Variants in EYA1 observed in about 807,000 individuals in gnomAD.
EYA1 encodes protein phosphatase EYA1.
In EYA1, 16 loss-of-function variants were observed where a neutral mutation model predicts 82.0. That is an observed-to-expected ratio of 0.20 (90% CI 0.13 to 0.30). The LOEUF (loss-of-function observed/expected upper bound fraction) is 0.30. Among genes scored for constraint, EYA1 ranks in the 10% least tolerant of loss-of-function variants. The pLI is 1.00. For synonymous variants in EYA1, 261 were observed against 264.4 expected (o/e 0.99, Z 0.12); for missense variants, 633 against 730.7 (o/e 0.87, Z 1.54).
chr8:71,515,175 C>T (rs1420575435), intron 2 of EYA1, among the ~76,000 whole-genome samples: 1 of 152,096 alleles, frequency 6.6e-6, no homozygotes, highest in African/African-American at 2.4e-5. Flanking sequence ...ATGTCAAGCA[C>T]TGTCTCATGT....
intron 2 of EYA1, chr8:71,403,342 C>A (rs1045008394): frequency 6.6e-6 from 1 of 152,084 alleles, no homozygotes; most frequent in East Asian, 1.9e-4. Context: ...GAAATTGACA[C>A]ACATAAAAAG....
At chr8:71,296,918 A>G (rs1819659556) in intron 9 of EYA1, among the ~76,000 whole-genome samples, 1 of 152,138 alleles carries the variant, frequency 6.6e-6, no homozygotes, top group Non-Finnish European at 1.5e-5. Context: ...CAAAATACCC[A>G]GACTAGATCT....
intron 5 of EYA1, 126 bp from the exon 6 acceptor site, chr8:71,322,005 T>C (rs1270937076): frequency 7.4e-7 from 1 of 1,342,610 alleles, no homozygotes; most frequent in Non-Finnish European, 1.1e-6. Flanking sequence ...TCACACAGAA[T>C]TGACAAAGCA....
At chr8:71,356,388 A>C (rs936444194) in intron 2 of EYA1, 74 bp downstream of exon 2, 4 of 1,294,360 alleles carry the variant, frequency 3.1e-6, no homozygotes, top group Non-Finnish European at 4.3e-6. Flanking sequence ...ATAATTAAGA[A>C]ACACTAGACA....
At chr8:71,299,751 A>T in intron 7 of EYA1, 31 bp from the exon 8 acceptor site, 1 of 1,149,704 alleles carries the variant, frequency 8.7e-7, no homozygotes, top group Non-Finnish European at 1.3e-6. Flanking sequence ...ATACGATTAT[A>T]CCAGGCTTGT....
intron 2 of EYA1, among the ~76,000 whole-genome samples, chr8:71,405,327 C>G (rs1423774915): frequency 6.6e-6 from 1 of 152,208 alleles, no homozygotes; most frequent in African/African-American, 2.4e-5. Context: ...TGCCCCTACT[C>G]TCCTCTCCTG....
chr8:71,270,542 C>G (rs1342082537), intron 10 of EYA1, among the ~76,000 whole-genome samples: 1 of 152,156 alleles, frequency 6.6e-6, no homozygotes, highest in Non-Finnish European at 1.5e-5. Flanking sequence ...TCTTCCTATT[C>G]CCACTCACAC....
chr8:71,369,905 A>G (rs1312069355), intron 2 of EYA1, among the ~76,000 whole-genome samples: 1 of 152,178 alleles, frequency 6.6e-6, no homozygotes, highest in East Asian at 1.9e-4. Flanking sequence ...TATTTTATGT[A>G]CAAAAATATT....
intron 12 of EYA1, among the ~76,000 whole-genome samples, chr8:71,233,201 T>C (rs371259257): frequency 9.2e-5 from 14 of 152,200 alleles, no homozygotes; most frequent in East Asian, 7.7e-4. Context: ...AAATTTCTCT[T>C]ATCCTACTAT....
At chr8:71,366,918 G>A (rs1303280254), upstream of EYA1, among the ~76,000 whole-genome samples, 1 of 152,078 alleles carries the variant, frequency 6.6e-6, no homozygotes, top group African/African-American at 2.4e-5. Flanking sequence ...TATTTGAAAT[G>A]ATACATATTG....
chr8:71,526,592 T>TTA, intron 2 of EYA1, among the ~76,000 whole-genome samples: 2 of 152,162 alleles, frequency 1.3e-5, no homozygotes, highest in African/African-American at 4.8e-5. Context: ...GATGGCTCAC[T>TTA]CCCATGGTTG....
chr8:71,214,472 T>G (rs972674950), intron 16 of EYA1, among the ~76,000 whole-genome samples: 3 of 152,218 alleles, frequency 2.0e-5, no homozygotes, highest in Admixed American at 6.5e-5. Flanking sequence ...TCATAGACAC[T>G]TGGCCTCTAC....
At position 71,211,207 on chromosome 8, in the gene EYA1, C is replaced by T; in HGVS notation, c.1647G>A (p.Val549=). ...ERIIQRFGRK[V]VYVVIGDGVE... ...CACCATCTCCTATAACAACATACAC[C>T]ACTTTTCTTCCAAACCTTTGAATTA... Residue 549 remains valine (V), a synonymous_variant, in exon 17 of 18, where the codon GTG becomes GTA. Coordinates refer to ENST00000340726, the MANE Select transcript of EYA1 (RefSeq NM_000503.6). The T allele has an allele frequency of 6.2e-7, 1 of 1,613,660 alleles. No homozygotes were observed. The highest frequency in any genetic ancestry group is 8.5e-7 in the Non-Finnish European group (1 of 1,179,682).
chr8:71,344,923 T>A (rs1360432839), intron 3 of EYA1, among the ~76,000 whole-genome samples: 1 of 152,160 alleles, frequency 6.6e-6, no homozygotes, highest in East Asian at 1.9e-4. Flanking sequence ...CTTCACCAAC[T>A]CACAGGAGCA....
At chr8:71,522,810 A>G (rs62508477) in intron 2 of EYA1, among the ~76,000 whole-genome samples, 43,939 of 151,768 alleles carry the variant, frequency 0.29, 6,565 homozygotes, top group African/African-American at 0.36. Flanking sequence ...TGGTCTCACT[A>G]TGTTGCCCAG....
Position 71,496,778 on chromosome 8 carries a change from G to A in EYA1, c.33+38966C>T, listed in dbSNP as rs538675806. Reference sequence around the variant, plus strand: ...CATATGCTCTTTTCAAGGAACCATGGGGAAACCAATTGTGTCAGTCGATTA... The same window carrying A: ...CATATGCTCTTTTCAAGGAACCATGAGGAAACCAATTGTGTCAGTCGATTA... On this transcript the variant is annotated intron_variant, in intron 2 of 18. Coordinates refer to the EYA1 transcript ENST00000643681. Among the ~76,000 whole-genome samples, 103 of 152,176 alleles carry A rather than the reference G, an allele frequency of 6.8e-4. No homozygotes were observed. In the South Asian group the frequency reaches 0.011, roughly 16 times the overall value.
chr8:71,398,380 T>C (rs1437772449), intron 2 of EYA1, among the ~76,000 whole-genome samples: 1 of 152,210 alleles, frequency 6.6e-6, no homozygotes, highest in African/African-American at 2.4e-5. Flanking sequence ...CACTCTGATT[T>C]TTAGAATTTT....
At chr8:71,466,265 AT>A (rs1175690117) in intron 2 of EYA1, among the ~76,000 whole-genome samples, 3 of 152,206 alleles carry the variant, frequency 2.0e-5, no homozygotes, top group Non-Finnish European at 2.9e-5. Context: ...AGAATAAAAG[AT>A]TTTTGCATAT....
intron 2 of EYA1, among the ~76,000 whole-genome samples, chr8:71,470,482 G>A (rs1670259450): frequency 2.0e-5 from 3 of 151,994 alleles, no homozygotes; most frequent in Admixed American, 2.0e-4. Flanking sequence ...TATTAGGTTG[G>A]TGCAAAAGTA....
Sources: gnomAD v4.1 joint callset for allele counts (sites outside exome capture counted in the v4.1 genomes callset) on GRCh38, gnomAD v4.1.1 for gene constraint, MANE v1.5 for transcripts, NCBI Gene and HGNC (gene_info 2026-07-23, HGNC 2026-07-21) for gene names.